The following SGCD variants were observed in gnomAD, a reference collection of about 807,000 sequenced individuals.
SGCD encodes the protein sarcoglycan delta, also known as delta-sarcoglycan.
SGCD carries 18 observed loss-of-function variants against 36.6 expected under a neutral mutation model. The observed-to-expected ratio is 0.49, with a 90% confidence interval of 0.34 to 0.73. The LOEUF (loss-of-function observed/expected upper bound fraction) is 0.73, where lower values mean the gene tolerates loss of function less well. SGCD is among the 30% of genes least tolerant of loss of function. The pLI is 0.01. For missense variants in SGCD, 387 were observed against 346.7 expected (o/e 1.12, Z -0.92); for synonymous variants, 133 against 130.6 (o/e 1.02, Z -0.12).
chr5:156,132,963 C>T (rs1213459191), intron 3 of SGCD, among the ~76,000 whole-genome samples: 2 of 152,186 alleles, frequency 1.3e-5, no homozygotes, highest in African/African-American at 4.8e-5. Flanking sequence ...TTGAACGTCA[C>T]TTTCTACAGC....
chr5:156,083,036 T>C (rs534769191), intron 1 of SGCD, among the ~76,000 whole-genome samples: 10 of 152,312 alleles, frequency 6.6e-5, no homozygotes, highest in Admixed American at 3.3e-4. Context: ...GAACATCTTT[T>C]CATATGCTTA....
intron 1 of SGCD, among the ~76,000 whole-genome samples, chr5:155,921,712 A>G (rs1044898813): frequency 6.6e-6 from 1 of 152,222 alleles, no homozygotes; most frequent in African/African-American, 2.4e-5. Context: ...CAAAAACTAT[A>G]TAATAAACAT....
chr5:156,522,977 G>A (rs1441847985), intron 4 of SGCD, among the ~76,000 whole-genome samples: 1 of 152,112 alleles, frequency 6.6e-6, no homozygotes, highest in Non-Finnish European at 1.5e-5. Context: ...TTTATTTAAT[G>A]AAGAGGGAGA....
At chr5:156,669,902 A>G (rs961878006) in intron 7 of SGCD, among the ~76,000 whole-genome samples, 2 of 152,098 alleles carry the variant, frequency 1.3e-5, no homozygotes, top group African/African-American at 4.8e-5. Flanking sequence ...TATTGGGGGA[A>G]ATGTCTTGAG....
At chr5:156,688,224 C>A (rs1184966493) in intron 7 of SGCD, among the ~76,000 whole-genome samples, 1 of 152,040 alleles carries the variant, frequency 6.6e-6, no homozygotes, top group African/African-American at 2.4e-5. Flanking sequence ...AATAATTATT[C>A]TAAACCAGTT....
chr5:156,009,165 T>C (rs1427405201), intron 1 of SGCD, among the ~76,000 whole-genome samples: 1 of 152,160 alleles, frequency 6.6e-6, no homozygotes, highest in Non-Finnish European at 1.5e-5. Flanking sequence ...TGTAAAACAT[T>C]TATTGACACA....
At chr5:156,003,327 A>C (rs1758698877) in intron 1 of SGCD, among the ~76,000 whole-genome samples, 1 of 152,254 alleles carries the variant, frequency 6.6e-6, no homozygotes, top group South Asian at 2.1e-4. Context: ...GGCACAAGAT[A>C]AAAGCTAGAT....
chr5:156,251,244 A>C (rs1481250032), intron 3 of SGCD, among the ~76,000 whole-genome samples: 1 of 152,228 alleles, frequency 6.6e-6, no homozygotes, highest in Non-Finnish European at 1.5e-5. Flanking sequence ...CAGTGACTAA[A>C]GATAATCTGG....
chr5:156,313,402 T>C (rs893911841), intron 3 of SGCD, among the ~76,000 whole-genome samples: 1 of 152,104 alleles, frequency 6.6e-6, no homozygotes, highest in Non-Finnish European at 1.5e-5. Context: ...GAAGTAGTTG[T>C]CAACATCATT....
intron 1 of SGCD, among the ~76,000 whole-genome samples, chr5:155,895,065 C>G (rs1157791982): frequency 6.6e-6 from 1 of 152,146 alleles, no homozygotes; most frequent in Non-Finnish European, 1.5e-5. Context: ...AGGCCTTATT[C>G]AAGCCTGTAG....
At chr5:156,150,204 T>C (rs7724249) in intron 3 of SGCD, among the ~76,000 whole-genome samples, 83,921 of 148,974 alleles carry the variant, frequency 0.56, 25,422 homozygotes, top group East Asian at 0.95. Context: ...TCCTTTTGGC[T>C]CCTCTAAATC....
intron 7 of SGCD, among the ~76,000 whole-genome samples, chr5:156,649,297 G>A (rs1353873446): frequency 6.6e-6 from 1 of 152,114 alleles, no homozygotes; most frequent in Non-Finnish European, 1.5e-5. Context: ...GTGGAAGTCA[G>A]TGTGGCGATT....
chr5:155,947,363 T>TC (rs1757460793), intron 1 of SGCD, among the ~76,000 whole-genome samples: 6 of 151,490 alleles, frequency 4.0e-5, no homozygotes, highest in Non-Finnish European at 8.8e-5. Flanking sequence ...TTTTTTATTA[T>TC]TAAGATCTTG....
At chr5:156,674,543 A>G (rs1753432864) in intron 7 of SGCD, among the ~76,000 whole-genome samples, 1 of 152,160 alleles carries the variant, frequency 6.6e-6, no homozygotes, top group Non-Finnish European at 1.5e-5. Flanking sequence ...ACATCCCATC[A>G]CTGAGAGACT....
chr5:156,681,382 G>T (rs1389894767), intron 7 of SGCD, among the ~76,000 whole-genome samples: 3 of 152,170 alleles, frequency 2.0e-5, no homozygotes, highest in African/African-American at 7.2e-5. Flanking sequence ...TTGCTTCTCT[G>T]CTCACTGCTC....
At chr5:156,008,842 C>G (rs1350001829) in intron 1 of SGCD, among the ~76,000 whole-genome samples, 1 of 152,216 alleles carries the variant, frequency 6.6e-6, no homozygotes, top group East Asian at 1.9e-4. Flanking sequence ...GCAGGAGGCA[C>G]AATTCAACTC....
intron 7 of SGCD, among the ~76,000 whole-genome samples, chr5:156,708,533 GAGCATC>G (rs770393829): frequency 2.0e-5 from 3 of 152,132 alleles, no homozygotes; most frequent in Non-Finnish European, 4.4e-5. Flanking sequence ...ACATCTTCTG[GAGCATC>G]AGTCTTACTT....
chr5:156,486,680 A>G (rs1277450495), intron 3 of SGCD, among the ~76,000 whole-genome samples: 1 of 152,112 alleles, frequency 6.6e-6, no homozygotes, highest in Non-Finnish European at 1.5e-5. Flanking sequence ...GACCTGTCCC[A>G]CCTGCCACCA....
intron 7 of SGCD, among the ~76,000 whole-genome samples, chr5:156,679,023 C>A (rs1753622236): frequency 6.6e-6 from 1 of 152,204 alleles, no homozygotes; most frequent in South Asian, 2.1e-4. Context: ...GAGGGAGCAG[C>A]AGAAAGACCA....
Sources: allele counts gnomAD v4.1 joint callset (sites outside exome capture counted in the v4.1 genomes callset), GRCh38; gene constraint gnomAD v4.1.1; transcripts MANE v1.5; gene names NCBI Gene and HGNC (gene_info 2026-07-23, HGNC 2026-07-21).